Variants in EXOC6B observed in about 807,000 individuals in gnomAD.
EXOC6B encodes the protein exocyst complex component 6B.
In EXOC6B, 54 loss-of-function variants were observed where a neutral mutation model predicts 113.5. The ratio of observed to expected loss-of-function variants is 0.48; its 90% CI spans 0.38 to 0.60. The LOEUF is 0.60. Ranked by LOEUF, EXOC6B falls within the 20% of genes least tolerant of loss-of-function variation. The pLI is 0.00. For missense variants in EXOC6B, 797 were observed against 977.5 expected (o/e 0.82, Z 2.46); for synonymous variants, 357 against 339.0 (o/e 1.05, Z -0.58).
intron 18 of EXOC6B, chr2:72,464,382 G>A (rs1026880353): frequency 6.6e-6 from 1 of 152,190 alleles, no homozygotes; most frequent in African/African-American, 2.4e-5. Flanking sequence ...TAAAAGCTCT[G>A]CAGAGCCATA....
chr2:72,418,637 CT>C (rs1694680082), intron 18 of EXOC6B, among the ~76,000 whole-genome samples: 1 of 152,080 alleles, frequency 6.6e-6, no homozygotes, highest in Non-Finnish European at 1.5e-5. Flanking sequence ...TCTCTGTTCT[CT>C]TTTGGTTACT....
chr2:72,823,711 G>A (rs1281891348), intron 1 of EXOC6B, among the ~76,000 whole-genome samples: 1 of 151,624 alleles, frequency 6.6e-6, no homozygotes, highest in East Asian at 2.0e-4. Context: ...CCAGGAAGTC[G>A]AGGCTGCAGT....
chr2:72,240,815 T>A (rs1052213824), intron 20 of EXOC6B, among the ~76,000 whole-genome samples: 8 of 152,170 alleles, frequency 5.3e-5, no homozygotes, highest in African/African-American at 1.9e-4. Flanking sequence ...GGCTTAGAAT[T>A]TGTCACTACA....
At chr2:72,458,631 G>T (rs778960558) in intron 18 of EXOC6B, among the ~76,000 whole-genome samples, 2 of 151,704 alleles carry the variant, frequency 1.3e-5, no homozygotes, top group African/African-American at 4.8e-5. Flanking sequence ...ACACTGAGAC[G>T]TTTTATAGTA....
chr2:72,810,046 T>A (rs1180940961), intron 1 of EXOC6B, among the ~76,000 whole-genome samples: 3 of 152,198 alleles, frequency 2.0e-5, no homozygotes, highest in Non-Finnish European at 2.9e-5. Context: ...ATATACAGTA[T>A]GTTCTCCAAC....
intron 8 of EXOC6B, among the ~76,000 whole-genome samples, chr2:72,518,134 G>T (rs1468046952): frequency 1.3e-5 from 2 of 152,124 alleles, no homozygotes; most frequent in African/African-American, 4.8e-5. Context: ...TCACAGAGAG[G>T]TCACTAGATG....
At chr2:72,318,142 C>A (rs750585641) in intron 20 of EXOC6B, among the ~76,000 whole-genome samples, 8 of 152,096 alleles carry the variant, frequency 5.3e-5, no homozygotes, top group Non-Finnish European at 8.8e-5. Context: ...CTCCAGATGA[C>A]CATAGTTTTC....
intron 6 of EXOC6B, among the ~76,000 whole-genome samples, chr2:72,626,560 C>T (rs1350122252): frequency 6.6e-6 from 1 of 152,176 alleles, no homozygotes; most frequent in Non-Finnish European, 1.5e-5. Flanking sequence ...CTTTTCTGAT[C>T]ACCTTCACTA....
chr2:72,814,806 A>G (rs906217097), intron 1 of EXOC6B, among the ~76,000 whole-genome samples: 3 of 151,982 alleles, frequency 2.0e-5, no homozygotes, highest in African/African-American at 4.8e-5. Context: ...CCTGGCTAAC[A>G]CGGTGAAACC....
chr2:72,483,070 A>G (rs1390438796), intron 16 of EXOC6B, among the ~76,000 whole-genome samples: 1 of 152,238 alleles, frequency 6.6e-6, no homozygotes, highest in East Asian at 1.9e-4. Flanking sequence ...GTCCTATAAA[A>G]TTACCAAAAC....
At chr2:72,606,953 A>G (rs1195971172) in intron 6 of EXOC6B, among the ~76,000 whole-genome samples, 7 of 152,124 alleles carry the variant, frequency 4.6e-5, no homozygotes, top group Non-Finnish European at 4.4e-5. Flanking sequence ...GATCTACCAA[A>G]CTTTCCAAAA....
At chr2:72,348,683 G>T (rs569407293) in intron 19 of EXOC6B, among the ~76,000 whole-genome samples, 1 of 152,280 alleles carries the variant, frequency 6.6e-6, no homozygotes, top group South Asian at 2.1e-4. Flanking sequence ...AGCCAATGAT[G>T]ACAGTAGCAA....
At chr2:72,709,161 C>A (rs535857109) in intron 6 of EXOC6B, among the ~76,000 whole-genome samples, 3 of 152,080 alleles carry the variant, frequency 2.0e-5, no homozygotes, top group Admixed American at 6.5e-5. Context: ...TCTAGATCAT[C>A]CTTAAGTCTA....
At chr2:72,248,088 C>T (rs1682779410) in intron 20 of EXOC6B, among the ~76,000 whole-genome samples, 1 of 152,172 alleles carries the variant, frequency 6.6e-6, no homozygotes, top group Non-Finnish European at 1.5e-5. Context: ...CTCTTAGAAA[C>T]AATTTCCACA....
intron 18 of EXOC6B, among the ~76,000 whole-genome samples, chr2:72,396,044 AT>A (rs1384871773): frequency 6.6e-6 from 1 of 152,102 alleles, no homozygotes; most frequent in Non-Finnish European, 1.5e-5. Context: ...TTAACATAAA[AT>A]TTTAATATGA....
chr2:72,648,867 G>C (rs1489559212), intron 6 of EXOC6B, among the ~76,000 whole-genome samples: 1 of 152,190 alleles, frequency 6.6e-6, no homozygotes, highest in Non-Finnish European at 1.5e-5. Context: ...ACTGAGGCCA[G>C]GTGTGCTGGC....
chr2:72,425,701 T>G (rs942524876), intron 18 of EXOC6B, among the ~76,000 whole-genome samples: 11 of 152,188 alleles, frequency 7.2e-5, no homozygotes, highest in Admixed American at 6.5e-4. Context: ...TGATTTTATG[T>G]TTAACATGTT....
At chr2:72,636,488 AAGGAGG>A (rs370524817) in intron 6 of EXOC6B, among the ~76,000 whole-genome samples, 25 of 144,286 alleles carry the variant, frequency 1.7e-4, no homozygotes, top group Admixed American at 3.4e-4. Flanking sequence ...GAAGGAGGAG[AAGGAGG>A]AGGAGGAGGA....
At chr2:72,525,056 T>A (rs1347429273) in intron 8 of EXOC6B, among the ~76,000 whole-genome samples, 1 of 152,098 alleles carries the variant, frequency 6.6e-6, no homozygotes, top group Non-Finnish European at 1.5e-5. Context: ...TGCTGCTATA[T>A]CCCAAGCATG....
Sources: allele counts gnomAD v4.1 joint callset (sites outside exome capture counted in the v4.1 genomes callset), GRCh38; gene constraint gnomAD v4.1.1; transcripts MANE v1.5; gene names NCBI Gene and HGNC (gene_info 2026-07-23, HGNC 2026-07-21).